The following FSIP2 variants were observed in gnomAD, a reference collection of about 807,000 sequenced individuals.
The protein encoded by FSIP2 is fibrous sheath-interacting protein 2.
FSIP2 carries 367 observed loss-of-function variants against 510.5 expected under a neutral mutation model. The observed-to-expected ratio is 0.72, with a 90% CI of 0.66 to 0.78. The LOEUF (loss-of-function observed/expected upper bound fraction) is 0.78, where lower values mean the gene tolerates loss of function less well. Ranked by LOEUF, FSIP2 falls within the 30% of genes least tolerant of loss-of-function variation. The pLI is 0.00. For missense variants in FSIP2, 7,594 were observed against 7,901.7 expected, an observed-to-expected ratio of 0.96 and a Z score of 1.48; for synonymous variants, 2,601 against 2,732.2, an observed-to-expected ratio of 0.95 and a Z score of 1.50.
chr2:185,784,606 A>C lies in FSIP2; in HGVS notation c.1470-1646A>C, dbSNP rs551976776. Among the ~76,000 whole-genome samples the C allele has an allele frequency of 2.0e-5, 3 of 152,240 alleles. No homozygotes were observed. The South Asian group carries it at 6.2e-4, about 32-fold the overall frequency. ...ATTGAGAACCTACTATGTTCAAACT[A>C]TAATGCTAGTTTTTAGGCAGATACC... On this transcript the variant is annotated intron_variant, in intron 14 of 22. Coordinates refer to ENST00000424728, the MANE Select transcript of FSIP2 (RefSeq NM_173651.4).
chr2:185,770,287 C>T (rs1027076653), intron 13 of FSIP2, among the ~76,000 whole-genome samples: 1 of 152,092 alleles, frequency 6.6e-6, no homozygotes, highest in Non-Finnish European at 1.5e-5. Context: ...AGATCTTGAA[C>T]CTCCCTGGTT....
chr2:185,828,092 G>C, intron 20 of FSIP2, 64 bp from the exon 21 acceptor site: 1 of 875,798 alleles, frequency 1.1e-6, no homozygotes, highest in Non-Finnish European at 1.9e-6. Context: ...GATCAGATTT[G>C]TGTCAACAAA....
chr2:185,739,195 G>A (rs1691868795), intron 1 of FSIP2, 151 bp from the exon 2 acceptor site: 2 of 1,121,240 alleles, frequency 1.8e-6, no homozygotes, highest in Non-Finnish European at 2.4e-6. Flanking sequence ...CAGGAGAGCT[G>A]GTGACCAGGG....
In FSIP2 at chr2:185,738,985, T is replaced by C. The variant is rs1285417035; in HGVS notation, c.91T>C (p.Cys31Arg). ...ASVLAADTQQ[C>R]RDGVHKTHFA... is the part of the protein sequence containing the mutation. ...CGTCCTGGCCGCGGACACCCAGCAG[T>C]GCAGAGACGTGAGTGGCCGCAAGCT... The change falls in exon 1 of 23, where the codon TGC becomes CGC. Residue 31 changes from cysteine (C) to arginine (R), a missense_variant. Transcript: ENST00000424728. The C allele has an allele frequency of 1.8e-5, 28 of 1,532,712 alleles. No homozygotes were observed. Among genetic ancestry groups the C allele is most frequent in the Non-Finnish European group, 2.4e-5 (27 of 1,146,288 alleles). The allele number at this position is 1,532,712 out of a possible 1,614,324, so 94.9% of individuals were successfully genotyped here. A position where few individuals can be genotyped will look rare whatever the true frequency, so the allele number is the denominator to read the frequency against.
rs377113189 is a variant in FSIP2, at chr2:185,792,454, A to G, written c.5318A>G (p.His1773Arg). The part of the protein sequence containing the change: ...NKIEVKLKEP[H>R]ISPIAPIIRN... ...ATTGAAGTAAAACTCAAAGAACCAC[A>G]TATATCTCCAATTGCTCCCATTATA... Residue 1773 changes from histidine to arginine, a missense_variant, in exon 16 of 23, where the codon CAT (histidine) becomes CGT (arginine). His to Arg is a conservative substitution (Grantham distance 29). Transcript: ENST00000424728. 4.6e-5 allele frequency: 71 copies of G among 1,531,602 alleles called. 2 individuals carry two copies. The East Asian group carries it at 4.7e-4, about 10-fold the overall frequency. The allele number at this position is 1,531,602 out of a possible 1,614,324, so 94.9% of individuals were successfully genotyped here.
intron 13 of FSIP2, among the ~76,000 whole-genome samples, chr2:185,776,562 T>C (rs1260321385): frequency 6.6e-6 from 1 of 152,190 alleles, no homozygotes; most frequent in East Asian, 1.9e-4. Context: ...ATAACATTCC[T>C]ATTATTCATT....
chr2:185,799,498 A>T (rs1369566392), intron 16 of FSIP2, among the ~76,000 whole-genome samples, 199 bp from the exon 17 acceptor site: 2 of 151,780 alleles, frequency 1.3e-5, no homozygotes, highest in East Asian at 1.9e-4. Context: ...TTATTTTCTC[A>T]ATTTATTGGC....
Position 185,756,246 on chromosome 2 carries a change from C to A in FSIP2, c.1046C>A (p.Ala349Asp). The A allele has an allele frequency of 7.5e-7, 1 of 1,339,114 alleles. No homozygotes were observed. Among genetic ancestry groups the A allele is most frequent in the Non-Finnish European group, 1.0e-6 (1 of 987,400 alleles). The allele number at this position is 1,339,114 out of a possible 1,614,324, so 83.0% of individuals were successfully genotyped here. ...GAAGATATAATGTTAGTTTATCCTG[C>A]TGGAGACCAGAATACATATAAAGAA... is the stretch of plus-strand genomic sequence containing the variant. The part of the protein sequence containing the change: ...TSEDIMLVYP[A>D]GDQNTYKETH... The change falls in exon 9 of 23, where the codon GCT becomes GAT. Residue 349 changes from alanine to aspartate, a missense_variant. By Grantham distance (126) the Ala-to-Asp change is moderately radical (BLOSUM62 -2). Coordinates refer to ENST00000424728, the MANE Select transcript of FSIP2 (RefSeq NM_173651.4).
At chr2:185,775,471 G>T (rs1382035877) in intron 13 of FSIP2, among the ~76,000 whole-genome samples, 2 of 151,778 alleles carry the variant, frequency 1.3e-5, no homozygotes, top group African/African-American at 4.8e-5. Flanking sequence ...GTAGATTCTG[G>T]ATATTAGCCC....
In FSIP2 at chr2:185,764,526, G is replaced by A. The variant is rs1574162709; in HGVS notation, c.1372G>A (p.Gly458Arg). ...EEKETNADWD[G>R]RPTKRSSYLC... ...GAAGGAGACAAATGCTGATTGGGAT[G>A]GAAGACCAACCAAGAGATCAAGCTA... is the stretch of plus-strand genomic sequence containing the variant. The change falls in exon 13 of 23, where the codon GGA becomes AGA. Residue 458 changes from glycine (G) to arginine (R), a missense_variant. By Grantham distance (125) the Gly-to-Arg change is moderately radical. Transcript: ENST00000424728. The A allele has an allele frequency of 1.3e-6, 2 of 1,531,336 alleles. No individual in the cohort carries two copies. Among genetic ancestry groups the A allele is most frequent in the East Asian group, 4.9e-5 (2 of 40,680 alleles). The allele number at this position is 1,531,336 out of a possible 1,614,324, so 94.9% of individuals were successfully genotyped here.
chr2:185,797,019 G>A lies in FSIP2; in HGVS notation c.9883G>A (p.Gly3295Arg). Residue 3295 changes from glycine to arginine, a missense_variant, in exon 16 of 23, where the codon GGA (glycine) becomes AGA (arginine). Physicochemically the swap from Gly to Arg is moderately radical, Grantham distance 125 (BLOSUM62 -2). Coordinates refer to ENST00000424728, the MANE Select transcript of FSIP2 (RefSeq NM_173651.4). ...GCAAGTCTTGTCATTCATAGAAATG[G>A]GAAAAGGTGAAAATCTAAGAGTGTT... Reference protein sequence around the residue: ...LKQVLSFIEMGKGENLRVFHY... With the variant: ...LKQVLSFIEMRKGENLRVFHY... The A allele has an allele frequency of 6.5e-7, 1 of 1,535,128 alleles. No homozygotes were observed. The highest frequency in any genetic ancestry group is 8.7e-7 in the Non-Finnish European group (1 of 1,146,258).
rs1322748308 is a variant in FSIP2, at chr2:185,796,528, A to T, written c.9392A>T (p.Tyr3131Phe). The T allele has an allele frequency of 6.5e-7, 1 of 1,535,124 alleles. No individual in the cohort carries two copies. Among genetic ancestry groups the T allele is most frequent in the Admixed American group, 2.0e-5 (1 of 50,914 alleles). ...IIGTLMDQCTYFNESLIQNLS... is the reference protein window; with the variant it reads ...IIGTLMDQCTFFNESLIQNLS... ...GGCACACTAATGGACCAGTGTACTT[A>T]TTTCAATGAGTCTTTGATACAAAAC... The change falls in exon 16 of 23, where the codon TAT becomes TTT. Residue 3131 changes from tyrosine to phenylalanine, a missense_variant. Coordinates refer to ENST00000424728, the MANE Select transcript of FSIP2 (RefSeq NM_173651.4).
At chr2:185,778,743 T>G (rs1181997722) in intron 13 of FSIP2, among the ~76,000 whole-genome samples, 1 of 151,992 alleles carries the variant, frequency 6.6e-6, no homozygotes, top group African/African-American at 2.4e-5. Context: ...TCTAAATATG[T>G]CCATTCAATC....
rs763049398 is a variant in FSIP2 at position 185,808,619 on chromosome 2, A to T, written c.19313A>T (p.Glu6438Val). The T allele has an allele frequency of 1.2e-6, 2 of 1,602,672 alleles. No individual in the cohort carries two copies. Among genetic ancestry groups the T allele is most frequent in the Non-Finnish European group, 1.7e-6 (2 of 1,174,986 alleles). Residue 6438 changes from glutamate to valine, a missense_variant, in exon 17 of 23, where the codon GAA (glutamate) becomes GTA (valine). By Grantham distance (121) the Glu-to-Val change is moderately radical (BLOSUM62 -2). Coordinates refer to ENST00000424728, the MANE Select transcript of FSIP2 (RefSeq NM_173651.4). ...NILQQSGTNKEFYYDIKDTNT... is the reference protein window; with the variant it reads ...NILQQSGTNKVFYYDIKDTNT... ...CTGCAACAATCAGGAACCAACAAAGAATTTTATTATGATATAAAAGATACA... is the reference window on the plus strand; with the variant it reads ...CTGCAACAATCAGGAACCAACAAAGTATTTTATTATGATATAAAAGATACA...
At position 185,745,897 on chromosome 2, in the gene FSIP2, A is replaced by T. The variant is rs565222698; in HGVS notation, c.617+329A>T. Among the ~76,000 whole-genome samples the T allele has an allele frequency of 5.3e-5, 8 of 152,260 alleles. No homozygotes were observed. In the South Asian group the frequency reaches 1.7e-3, roughly 32 times the overall value. ...AGATTCATCTTTAAGAACTGACAGC[A>T]TTTTTTGAGGAAGTTAGTGCAAAGT... On this transcript the variant is annotated intron_variant, in intron 5 of 22. Coordinates refer to ENST00000424728, the MANE Select transcript of FSIP2 (RefSeq NM_173651.4).
rs1330876382 is a variant in FSIP2, at chr2:185,806,571, GAAAGT to G, written c.17268_17272del (p.Val5757ArgfsTer4). The G allele has an allele frequency of 6.2e-7, 1 of 1,604,622 alleles. No individual in the cohort carries two copies. ...AAGAAGAGGAAGAGAGAGAAAAAGA[GAAAGT>G]AAGAGAGGAGATTAAAAGTGAACCC... On this transcript the variant is annotated frameshift_variant, in exon 17 of 23. Transcript: ENST00000424728. LOFTEE classifies it high-confidence loss of function.
In FSIP2 at chr2:185,790,065, A is replaced by C; in HGVS notation, c.2929A>C (p.Thr977Pro). Residue 977 changes from threonine (T) to proline (P), a missense_variant, in exon 16 of 23, where the codon ACT becomes CCT. Transcript: ENST00000424728. ...DTKEKYRLTG[T>P]RLSNSPRSGR... ...CAAAGAAAAGTACAGACTCACTGGC[A>C]CTAGATTATCAAATAGTCCTAGGTC... 2 of 1,533,720 alleles carry C rather than the reference A, an allele frequency of 1.3e-6. No homozygotes were observed. The highest frequency in any genetic ancestry group is 1.7e-6 in the Non-Finnish European group (2 of 1,145,372).
Position 185,804,076 on chromosome 2 carries a change from G to T in FSIP2, c.14770G>T (p.Asp4924Tyr). ...EDKTLLLAAV[D>Y]QTYKLKAIDP... is the part of the protein sequence containing the mutation. ...TAAAACTCTCCTTTTGGCAGCAGTT[G>T]ATCAAACTTATAAATTGAAAGCAAT... is the stretch of plus-strand genomic sequence containing the variant. Residue 4924 changes from aspartate to tyrosine, a missense_variant, in exon 17 of 23, where the codon GAT (aspartate) becomes TAT (tyrosine). Physicochemically the swap from Asp to Tyr is radical, Grantham distance 160. Transcript: ENST00000424728. 1 of 1,526,046 alleles carries T rather than the reference G, an allele frequency of 6.6e-7. No individual in the cohort carries two copies. The highest frequency in any genetic ancestry group is 1.2e-5 in the South Asian group (1 of 82,632). 94.5% of individuals were successfully genotyped at this position (1,526,046 alleles called of 1,614,324 possible).
intron 7 of FSIP2, among the ~76,000 whole-genome samples, chr2:185,748,437 C>A (rs1052814924): frequency 6.6e-6 from 1 of 151,658 alleles, no homozygotes; most frequent in Non-Finnish European, 1.5e-5. Flanking sequence ...CCACCACGCC[C>A]AGCCATAATT....
Sources: allele counts gnomAD v4.1 joint callset (sites outside exome capture counted in the v4.1 genomes callset), GRCh38; gene constraint gnomAD v4.1.1; transcripts MANE v1.5; gene names NCBI Gene and HGNC (gene_info 2026-07-23, HGNC 2026-07-21).